The following DLGAP1 variants were observed in gnomAD, a reference collection of about 807,000 sequenced individuals.
DLGAP1 encodes the protein disks large-associated protein 1.
A neutral mutation model predicts 90.8 loss-of-function variants in DLGAP1; 11 were observed. The observed-to-expected ratio is 0.12, with a 90% CI of 0.08 to 0.20. The LOEUF (loss-of-function observed/expected upper bound fraction) is 0.20, where lower values mean the gene tolerates loss of function less well. DLGAP1 is among the 10% of genes least tolerant of loss of function. DLGAP1 has a pLI of 1.00. For missense variants in DLGAP1, 1,050 were observed against 1,333.8 expected (o/e 0.79, Z 3.31); for synonymous variants, 558 against 540.7 (o/e 1.03, Z -0.44).
chr18:3,856,334 T>C (rs1030335083), intron 4 of DLGAP1, among the ~76,000 whole-genome samples: 1 of 151,550 alleles, frequency 6.6e-6, no homozygotes, highest in South Asian at 2.1e-4. Flanking sequence ...TAAAAAAGAG[T>C]GTGAGACATT....
At chr18:3,657,541 C>G (rs1194748851) in intron 7 of DLGAP1, among the ~76,000 whole-genome samples, 1 of 151,072 alleles carries the variant, frequency 6.6e-6, no homozygotes, top group Non-Finnish European at 1.5e-5. Flanking sequence ...CTATAAGTAA[C>G]AATGAAATAT....
At chr18:3,976,475 C>T (rs2073582910) in intron 3 of DLGAP1, among the ~76,000 whole-genome samples, 1 of 152,102 alleles carries the variant, frequency 6.6e-6, no homozygotes, top group Non-Finnish European at 1.5e-5. Context: ...TAATTCTCAG[C>T]ACCCTAGCTT....
chr18:3,779,794 CTTT>C (rs1370282007), intron 5 of DLGAP1, among the ~76,000 whole-genome samples: 2 of 130,082 alleles, frequency 1.5e-5, no homozygotes, highest in African/African-American at 2.8e-5. Flanking sequence ...TCTTTCTTTT[CTTT>C]TTTTTTTTGA....
chr18:4,455,035 T>C lies in DLGAP1; in HGVS notation c.-296A>G, dbSNP rs1400715488. On this transcript the variant is annotated 5_prime_UTR_variant, in exon 1 of 13. Transcript: ENST00000315677. ...CCGCGTCCCGCAGTCCGGCCCTCGC[T>C]GGCTGCGTCCGTCCGTTGGTCCCAC... 3 of 151,508 alleles carry C rather than the reference T, an allele frequency of 2.0e-5. No individual in the cohort carries two copies. The highest frequency in any genetic ancestry group is 3.4e-3 in the Middle Eastern group (1 of 292). The allele number at this position is 151,508 out of a possible 1,614,324, so 9.4% of individuals were successfully genotyped here.
chr18:4,283,458 A>G (rs1431196217), intron 1 of DLGAP1, among the ~76,000 whole-genome samples: 1 of 152,178 alleles, frequency 6.6e-6, no homozygotes, highest in African/African-American at 2.4e-5. Context: ...GTTACCACCA[A>G]TGGGTAAAGG....
At chr18:4,139,647 C>T (rs1438368200) in intron 2 of DLGAP1, among the ~76,000 whole-genome samples, 2 of 151,950 alleles carry the variant, frequency 1.3e-5, no homozygotes, top group East Asian at 3.8e-4. Flanking sequence ...GTCTACACAA[C>T]AGATTAAGTC....
At chr18:3,521,255 T>C (rs928409950) in intron 10 of DLGAP1, among the ~76,000 whole-genome samples, 1 of 152,160 alleles carries the variant, frequency 6.6e-6, no homozygotes, top group Non-Finnish European at 1.5e-5. Flanking sequence ...ATGTTATCCA[T>C]CCCTTGCCAA....
At chr18:3,677,358 C>T (rs1303866373) in intron 7 of DLGAP1, among the ~76,000 whole-genome samples, 1 of 152,250 alleles carries the variant, frequency 6.6e-6, no homozygotes, top group Non-Finnish European at 1.5e-5. Flanking sequence ...CAGCTCTCTA[C>T]TGGTTTCATT....
At chr18:3,914,146 T>TAG (rs1287348156) in intron 3 of DLGAP1, among the ~76,000 whole-genome samples, 4 of 152,206 alleles carry the variant, frequency 2.6e-5, no homozygotes, top group African/African-American at 9.6e-5. Context: ...TGCTGTACAG[T>TAG]AGGTTGCAGA....
intron 5 of DLGAP1, among the ~76,000 whole-genome samples, chr18:3,747,614 AAAG>A (rs2063324911): frequency 6.6e-6 from 1 of 152,190 alleles, no homozygotes; most frequent in South Asian, 2.1e-4. Flanking sequence ...GTGTATATTC[AAAG>A]AAGAAGTGAA....
intron 2 of DLGAP1, among the ~76,000 whole-genome samples, chr18:4,021,298 G>A (rs1355069777): frequency 1.3e-5 from 2 of 152,172 alleles, no homozygotes; most frequent in Non-Finnish European, 1.5e-5. Context: ...GGTCATCAGG[G>A]CAAGTCCTTC....
intron 2 of DLGAP1, among the ~76,000 whole-genome samples, chr18:4,119,542 A>G (rs1203499487): frequency 6.6e-6 from 1 of 152,208 alleles, no homozygotes; most frequent in Non-Finnish European, 1.5e-5. Flanking sequence ...CTTTGTCCTC[A>G]TTGGGAAGTG....
intron 11 of DLGAP1, among the ~76,000 whole-genome samples, chr18:3,507,434 T>C (rs563032408): frequency 6.6e-6 from 1 of 152,250 alleles, no homozygotes; most frequent in Non-Finnish European, 1.5e-5. Flanking sequence ...GAGAATCGCT[T>C]GAACCTGGGA....
At chr18:3,963,806 C>A (rs2148990099) in intron 3 of DLGAP1, among the ~76,000 whole-genome samples, 1 of 152,164 alleles carries the variant, frequency 6.6e-6, no homozygotes, top group South Asian at 2.1e-4. Context: ...AGGCTATCTG[C>A]TGTGACAGCC....
At chr18:3,719,618 T>C (rs1326890918) in intron 7 of DLGAP1, among the ~76,000 whole-genome samples, 1 of 148,952 alleles carries the variant, frequency 6.7e-6, no homozygotes, top group East Asian at 2.0e-4. Flanking sequence ...ACAATGTCAA[T>C]GTCTTGGTTT....
intron 7 of DLGAP1, among the ~76,000 whole-genome samples, chr18:3,620,366 A>G (rs1414029859): frequency 6.6e-6 from 1 of 152,014 alleles, no homozygotes; most frequent in East Asian, 1.9e-4. Context: ...ATTCTCCCCT[A>G]TGCCCTCCAC....
Position 3,822,006 on chromosome 18 carries a change from C to T in DLGAP1, c.958-7733G>A, listed in dbSNP as rs1405498414. On this transcript the variant is annotated intron_variant, in intron 4 of 12. Coordinates refer to ENST00000315677, the MANE Select transcript of DLGAP1 (RefSeq NM_004746.4). ...GTCCCTTTAGCCTTTTTAGCTTGCT[C>T]TTCTCATAGCAAAAACAGAAAAAAA... 6.3e-6 allele frequency: 6 copies of T among 950,428 alleles called. No individual in the cohort carries two copies. In the East Asian group the frequency reaches 7.0e-4, roughly 111 times the overall value. The allele number at this position is 950,428 out of a possible 1,614,324, so 58.9% of individuals were successfully genotyped here.
At chr18:3,633,265 T>C (rs1395992909) in intron 7 of DLGAP1, among the ~76,000 whole-genome samples, 1 of 152,074 alleles carries the variant, frequency 6.6e-6, no homozygotes, top group Non-Finnish European at 1.5e-5. Context: ...CAGCTGGGCA[T>C]GGTGGCGGGC....
intron 1 of DLGAP1, among the ~76,000 whole-genome samples, chr18:4,226,437 G>C (rs2078188712): frequency 6.6e-6 from 1 of 151,908 alleles, no homozygotes; most frequent in Non-Finnish European, 1.5e-5. Context: ...TTCATATCTT[G>C]AGTAGAAAGA....
Sources: gnomAD v4.1 joint callset for allele counts (sites outside exome capture counted in the v4.1 genomes callset) on GRCh38, gnomAD v4.1.1 for gene constraint, MANE v1.5 for transcripts, NCBI Gene and HGNC (gene_info 2026-07-23, HGNC 2026-07-21) for gene names.